Variants in CORO2B observed in about 807,000 individuals in gnomAD.
CORO2B encodes coronin 2B, also known as coronin-2B.
A neutral mutation model predicts 58.8 loss-of-function variants in CORO2B; 26 were observed. The observed-to-expected ratio is 0.44, with a 90% CI of 0.32 to 0.61. The LOEUF (loss-of-function observed/expected upper bound fraction) is 0.61. Ranked by LOEUF, CORO2B falls within the 20% of genes least tolerant of loss-of-function variation. The pLI is 0.04. For synonymous variants in CORO2B, 242 were observed against 253.8 expected, an observed-to-expected ratio of 0.95 and a Z score of 0.44; for missense variants, 460 against 645.1, an observed-to-expected ratio of 0.71 and a Z score of 3.11.
intron 1 of CORO2B, among the ~76,000 whole-genome samples, chr15:68,640,525 AG>A (rs1305115603): frequency 7.1e-6 from 1 of 140,304 alleles, no homozygotes; most frequent in Non-Finnish European, 1.6e-5. Context: ...AAAAAAAAAA[AG>A]GTGATAGGAG....
intron 3 of CORO2B, among the ~76,000 whole-genome samples, chr15:68,702,405 A>G (rs1043504171): frequency 6.6e-6 from 1 of 152,150 alleles, no homozygotes; most frequent in Non-Finnish European, 1.5e-5. Context: ...TAGATGCTCA[A>G]CAATGCTTCC....
At chr15:68,580,848 G>A (rs779793574) in intron 1 of CORO2B, among the ~76,000 whole-genome samples, 2 of 152,074 alleles carry the variant, frequency 1.3e-5, no homozygotes, top group African/African-American at 4.8e-5. Flanking sequence ...TTTTGTGCGC[G>A]AGCTCATGCA....
the CORO2B span, among the ~76,000 whole-genome samples, chr15:68,531,549 AAGGAAG>A: frequency 0.038 from 5,084 of 133,216 alleles, 135 homozygotes; most frequent in Middle Eastern, 0.05. Flanking sequence ...GGAAGGAAGG[AAGGAAG>A]GAAAGAAAGA....
the CORO2B span, among the ~76,000 whole-genome samples, chr15:68,544,667 A>G: frequency 6.6e-6 from 1 of 152,216 alleles, no homozygotes; most frequent in Non-Finnish European, 1.5e-5. Context: ...CAGAAGTGGC[A>G]GGAGCTAGAT....
At chr15:68,575,583 G>GCCC (rs1423253475), upstream of CORO2B, among the ~76,000 whole-genome samples, 8 of 55,984 alleles carry the variant, frequency 1.4e-4, 2 homozygotes, top group South Asian at 4.6e-3. Context: ...ATCTGCCCCC[G>GCCC]CCTCGGCCTC....
the CORO2B span, among the ~76,000 whole-genome samples, chr15:68,558,801 C>T: frequency 1.3e-5 from 2 of 152,146 alleles, no homozygotes; most frequent in African/African-American, 4.8e-5. Context: ...CCAGGTGGAT[C>T]TCAGGGCAAG....
At chr15:68,633,235 G>GCTA (rs1900904225) in intron 1 of CORO2B, among the ~76,000 whole-genome samples, 1 of 151,834 alleles carries the variant, frequency 6.6e-6, no homozygotes, top group South Asian at 2.1e-4. Context: ...GGAACAGAGG[G>GCTA]CATTGTAGGG....
intron 3 of CORO2B, among the ~76,000 whole-genome samples, chr15:68,698,751 C>A (rs1286220072): frequency 6.6e-6 from 1 of 152,134 alleles, no homozygotes; most frequent in Non-Finnish European, 1.5e-5. Context: ...CTCCCTTTGG[C>A]TGTTGTGATG....
the CORO2B span, among the ~76,000 whole-genome samples, chr15:68,539,184 G>A: frequency 1.2e-4 from 19 of 152,140 alleles, no homozygotes; most frequent in African/African-American, 4.6e-4. Context: ...CCTGCTGAGA[G>A]AACAGTGAGG....
At chr15:68,666,723 G>A (rs1902203539) in intron 2 of CORO2B, among the ~76,000 whole-genome samples, 2 of 152,182 alleles carry the variant, frequency 1.3e-5, no homozygotes, top group Non-Finnish European at 2.9e-5. Context: ...GGGGCCAAGG[G>A]AGTTTTGTGC....
chr15:68,705,394 C>T (rs1310382774), intron 3 of CORO2B, among the ~76,000 whole-genome samples: 1 of 138,044 alleles, frequency 7.2e-6, no homozygotes, highest in East Asian at 2.2e-4. Flanking sequence ...GCTGAGATCA[C>T]ATCACTTCAC....
chr15:68,636,740 G>A (rs181987996), intron 1 of CORO2B, among the ~76,000 whole-genome samples: 7 of 152,318 alleles, frequency 4.6e-5, no homozygotes, highest in African/African-American at 9.6e-5. Flanking sequence ...GAACTTCCAG[G>A]TGTGGAGGTT....
chr15:68,651,973 C>A (rs1901658102), intron 2 of CORO2B, among the ~76,000 whole-genome samples: 1 of 152,234 alleles, frequency 6.6e-6, no homozygotes, highest in African/African-American at 2.4e-5. Context: ...CTTTGTACAG[C>A]ACTCTCAAGT....
intron 1 of CORO2B, chr15:68,632,349 G>A: frequency 1.0e-6 from 1 of 985,454 alleles, no homozygotes; most frequent in East Asian, 1.1e-4. Flanking sequence ...CTGGTAGGTA[G>A]CAGTGATAAA....
the CORO2B span, among the ~76,000 whole-genome samples, chr15:68,544,775 CTTT>C: frequency 2.1e-5 from 3 of 140,808 alleles, no homozygotes; most frequent in African/African-American, 2.6e-5. Context: ...CATACACATT[CTTT>C]TTTTTTTTTT....
intron 3 of CORO2B, among the ~76,000 whole-genome samples, chr15:68,706,782 T>C (rs1486059567): frequency 6.6e-6 from 1 of 152,112 alleles, no homozygotes; most frequent in Non-Finnish European, 1.5e-5. Context: ...TGATCATAGC[T>C]CACTGCAGCC....
the CORO2B span, among the ~76,000 whole-genome samples, chr15:68,543,971 T>A: frequency 6.6e-6 from 1 of 152,186 alleles, no homozygotes; most frequent in Non-Finnish European, 1.5e-5. Context: ...GACCAAGCAG[T>A]CTGCTGGACC....
intron 1 of CORO2B, among the ~76,000 whole-genome samples, chr15:68,610,111 G>A (rs1215911414): frequency 6.6e-6 from 1 of 152,148 alleles, no homozygotes; most frequent in Non-Finnish European, 1.5e-5. Context: ...GCTCCTCTTA[G>A]GTAGTAGGCA....
chr15:68,714,539 G>A lies in CORO2B; in HGVS notation c.766-20G>A, dbSNP rs952532234. ...GCCATCCTGCCTGCAGAGAGGCTGA[G>A]ACCAGCTCTTCTCCCTCAGGAGGAC... On this transcript the variant is annotated intron_variant, in intron 6 of 11. Coordinates refer to ENST00000261861, the MANE Select transcript of CORO2B (RefSeq NM_006091.5). The A allele has an allele frequency of 7.5e-6, 12 of 1,599,216 alleles. No individual in the cohort carries two copies. Among genetic ancestry groups the A allele is most frequent in the African/African-American group, 2.7e-5 (2 of 74,530 alleles).
Sources: gnomAD v4.1 joint callset for allele counts (sites outside exome capture counted in the v4.1 genomes callset) on GRCh38, gnomAD v4.1.1 for gene constraint, MANE v1.5 for transcripts, NCBI Gene and HGNC (gene_info 2026-07-23, HGNC 2026-07-21) for gene names.